TMEM108: variants seen among roughly 807,000 people sequenced by gnomAD.
TMEM108 encodes cancer/testis antigen 124.
Under a neutral mutation model 35.1 loss-of-function variants are expected in TMEM108, and 12 were observed. The ratio of observed to expected loss-of-function variants is 0.34; its 90% CI spans 0.22 to 0.55. TMEM108 has a LOEUF of 0.55. TMEM108 is among the 20% of genes least tolerant of loss of function. TMEM108 has a pLI of 0.89. For synonymous variants in TMEM108, 287 were observed against 308.6 expected (o/e 0.93, Z 0.73); for missense variants, 680 against 753.3 (o/e 0.90, Z 1.14).
intron 1 of TMEM108, among the ~76,000 whole-genome samples, chr3:133,041,417 G>A (rs995258411): frequency 6.6e-6 from 1 of 152,162 alleles, no homozygotes; most frequent in Non-Finnish European, 1.5e-5. Context: ...CCAGTAGATG[G>A]CACTGCTGCC....
intron 3 of TMEM108, among the ~76,000 whole-genome samples, chr3:133,297,492 G>C (rs1046566376): frequency 1.3e-5 from 2 of 152,130 alleles, no homozygotes; most frequent in Non-Finnish European, 2.9e-5. Context: ...CACTAAACAT[G>C]ATCTAGATGA....
chr3:133,385,438 TC>T (rs2073123123), intron 4 of TMEM108, among the ~76,000 whole-genome samples: 1 of 152,092 alleles, frequency 6.6e-6, no homozygotes, highest in Admixed American at 6.5e-5. Context: ...ACAGGCACAT[TC>T]CCGCCTGCCA....
chr3:133,044,473 A>G, intron 1 of TMEM108, among the ~76,000 whole-genome samples: 1 of 152,232 alleles, frequency 6.6e-6, no homozygotes, highest in East Asian at 1.9e-4. Context: ...TTATATCTGC[A>G]AATCATTTTA....
At chr3:133,264,564 C>T (rs1301385121) in intron 3 of TMEM108, among the ~76,000 whole-genome samples, 1 of 152,102 alleles carries the variant, frequency 6.6e-6, no homozygotes, top group African/African-American at 2.4e-5. Flanking sequence ...CATTCCTCTG[C>T]AAGTTGTCAT....
chr3:133,360,946 G>A (rs1028916384), intron 3 of TMEM108, among the ~76,000 whole-genome samples: 4 of 152,120 alleles, frequency 2.6e-5, no homozygotes, highest in Non-Finnish European at 4.4e-5. Flanking sequence ...AAAAAATATA[G>A]GCTGATCTCT....
chr3:133,368,240 T>C (rs544059613), intron 3 of TMEM108, among the ~76,000 whole-genome samples: 1 of 152,342 alleles, frequency 6.6e-6, no homozygotes, highest in African/African-American at 2.4e-5. Context: ...AGGTCCTTCA[T>C]GAGGCTGTTC....
intron 3 of TMEM108, among the ~76,000 whole-genome samples, chr3:133,325,634 A>T (rs2071321738): frequency 6.6e-6 from 1 of 152,066 alleles, no homozygotes; most frequent in African/African-American, 2.4e-5. Context: ...AGACAGGAAG[A>T]TCACTGGAGC....
At chr3:133,333,750 C>T (rs1278705246) in intron 3 of TMEM108, among the ~76,000 whole-genome samples, 1 of 152,140 alleles carries the variant, frequency 6.6e-6, no homozygotes, top group Non-Finnish European at 1.5e-5. Flanking sequence ...CTGCATCTTT[C>T]TGGAGAGTTT....
chr3:133,379,570 C>G (rs1187302337), intron 3 of TMEM108, 182 bp from the exon 4 acceptor site: 5 of 642,678 alleles, frequency 7.8e-6, no homozygotes, highest in Non-Finnish European at 1.4e-5. Flanking sequence ...CAGCACCTAC[C>G]TAATAGACCT....
intron 3 of TMEM108, among the ~76,000 whole-genome samples, chr3:133,288,238 T>C (rs1299476848): frequency 6.6e-6 from 1 of 152,196 alleles, no homozygotes; most frequent in Non-Finnish European, 1.5e-5. Flanking sequence ...TCCTAATACT[T>C]CTGAATTTGT....
intron 3 of TMEM108, chr3:133,378,493 G>A (rs1218607490): frequency 1.0e-6 from 1 of 985,364 alleles, no homozygotes; most frequent in Non-Finnish European, 1.2e-6. Context: ...GAGCCTAGCA[G>A]GGGCTGAAGG....
At chr3:133,327,763 G>C (rs1197979290) in intron 3 of TMEM108, among the ~76,000 whole-genome samples, 1 of 152,048 alleles carries the variant, frequency 6.6e-6, no homozygotes, top group African/African-American at 2.4e-5. Context: ...TCTGTGGATG[G>C]GCGGCAGGGT....
intron 2 of TMEM108, among the ~76,000 whole-genome samples, chr3:133,124,120 A>G (rs1944386436): frequency 6.6e-6 from 1 of 152,210 alleles, no homozygotes; most frequent in Admixed American, 6.5e-5. Context: ...ATCTTAGGGT[A>G]CCCAGATTAG....
chr3:133,228,431 C>T (rs1230114513), intron 2 of TMEM108, among the ~76,000 whole-genome samples: 1 of 152,002 alleles, frequency 6.6e-6, no homozygotes, highest in African/African-American at 2.4e-5. Flanking sequence ...TTCTAATATA[C>T]TAGTATTGGT....
chr3:133,222,410 G>T (rs1347553334), intron 2 of TMEM108, among the ~76,000 whole-genome samples: 1 of 152,038 alleles, frequency 6.6e-6, no homozygotes, highest in Non-Finnish European at 1.5e-5. Flanking sequence ...TGACCTTCCT[G>T]TACCTGGATA....
chr3:133,179,588 T>C (rs533893389), intron 2 of TMEM108, among the ~76,000 whole-genome samples: 1,547 of 151,102 alleles, frequency 0.01, 38 homozygotes, highest in African/African-American at 0.035. Context: ...TTCTCACTCA[T>C]AGGTGGGAAT....
At chr3:133,295,621 C>T (rs1248919535) in intron 3 of TMEM108, among the ~76,000 whole-genome samples, 1 of 152,126 alleles carries the variant, frequency 6.6e-6, no homozygotes, top group Non-Finnish European at 1.5e-5. Context: ...TTTGGTAAAA[C>T]CAGGCTTGGA....
chr3:133,069,932 C>G (rs1943656737), intron 2 of TMEM108, among the ~76,000 whole-genome samples: 1 of 152,022 alleles, frequency 6.6e-6, no homozygotes, highest in Admixed American at 6.6e-5. Context: ...TATTTTTATT[C>G]ACTATTTTTA....
chr3:133,262,714 G>A (rs892724971), intron 3 of TMEM108, among the ~76,000 whole-genome samples: 8 of 152,210 alleles, frequency 5.3e-5, no homozygotes, highest in African/African-American at 1.9e-4. Flanking sequence ...TTAAGTCCCC[G>A]CTGTGTGCCA....
Sources: allele counts gnomAD v4.1 joint callset (sites outside exome capture counted in the v4.1 genomes callset), GRCh38; gene constraint gnomAD v4.1.1; transcripts MANE v1.5; gene names NCBI Gene and HGNC (gene_info 2026-07-23, HGNC 2026-07-21).